The following DGKG variants were observed in gnomAD, a reference collection of about 807,000 sequenced individuals.
The protein encoded by DGKG is DAG kinase gamma.
DGKG carries 78 observed loss-of-function variants against 105.3 expected under a neutral mutation model. That is an observed-to-expected ratio of 0.74 (90% confidence interval 0.62 to 0.89). The LOEUF is 0.89. Ranked by LOEUF, DGKG falls within the 40% of genes least tolerant of loss-of-function variation. The pLI is 0.00. For synonymous variants in DGKG, 346 were observed against 367.1 expected (o/e 0.94, Z 0.66); for missense variants, 958 against 1,020.1 (o/e 0.94, Z 0.83).
intron 22 of DGKG, among the ~76,000 whole-genome samples, chr3:186,177,122 T>G (rs1229268918): frequency 6.6e-6 from 1 of 152,254 alleles, no homozygotes; most frequent in Non-Finnish European, 1.5e-5. Context: ...GCATTCTGCA[T>G]TAGTCTCCTC....
intron 21 of DGKG, chr3:186,207,609 C>A (rs1177146021): frequency 2.8e-6 from 1 of 358,162 alleles, no homozygotes; most frequent in African/African-American, 2.2e-5. Context: ...CTATGCCCCC[C>A]ATTTTATAGA....
intron 1 of DGKG, among the ~76,000 whole-genome samples, chr3:186,344,092 C>G (rs148960783): frequency 6.6e-6 from 1 of 152,116 alleles, no homozygotes; most frequent in South Asian, 2.1e-4. Context: ...AAAACAGATG[C>G]TAGTAAGGTT....
chr3:186,176,116 T>A (rs565889572), intron 22 of DGKG, among the ~76,000 whole-genome samples: 1 of 152,284 alleles, frequency 6.6e-6, no homozygotes, highest in African/African-American at 2.4e-5. Context: ...TCTTCTCATC[T>A]CCTCTCAGGG....
chr3:186,336,856 C>T lies in DGKG; in HGVS notation c.-248-16149G>A, dbSNP rs978243372. On this transcript the variant is annotated intron_variant, in intron 1 of 24. Coordinates refer to ENST00000265022, the MANE Select transcript of DGKG (RefSeq NM_001346.3). The stretch of plus-strand genomic sequence containing the variant: ...GATTTTATTAAATTATGAGACACTA[C>T]TATATTCAACTTTATAGCACCACTT... 2.6e-5 allele frequency among the ~76,000 whole-genome samples: 4 copies of T among 152,184 alleles called. No individual in the cohort carries two copies. In the South Asian group the frequency reaches 8.3e-4, roughly 32 times the overall value.
chr3:186,305,415 C>T (rs1469240429), intron 3 of DGKG, among the ~76,000 whole-genome samples: 4 of 152,066 alleles, frequency 2.6e-5, no homozygotes, highest in African/African-American at 4.8e-5. Flanking sequence ...ATCAAGAAGG[C>T]TAATATGCTG....
intron 9 of DGKG, among the ~76,000 whole-genome samples, chr3:186,278,782 G>C (rs543964936): frequency 6.6e-6 from 1 of 152,296 alleles, no homozygotes; most frequent in African/African-American, 2.4e-5. Flanking sequence ...GGCTCACCCA[G>C]CTGCACTTGC....
chr3:186,236,216 T>C lies in DGKG; in HGVS notation c.1826+6288A>G, dbSNP rs560452856. Among the ~76,000 whole-genome samples the C allele has an allele frequency of 3.3e-4, 50 of 152,320 alleles. 1 individual carries two copies. In the South Asian group the frequency reaches 0.01, roughly 31 times the overall value. ...TCAATGCATCACTGCTGGGGTCTCC[T>C]CCAACTTTTAGTTGTCCTCCAACTT... On this transcript the variant is annotated intron_variant, in intron 20 of 24. Transcript: ENST00000265022.
intron 6 of DGKG, among the ~76,000 whole-genome samples, chr3:186,286,725 A>C (rs1300241856): frequency 1.3e-5 from 2 of 152,120 alleles, no homozygotes; most frequent in Non-Finnish European, 2.9e-5. Flanking sequence ...ACTCTATATG[A>C]CCAAGTTTCT....
intron 2 of DGKG, chr3:186,313,464 A>G (rs537752799): frequency 1.0e-6 from 1 of 979,218 alleles, no homozygotes; most frequent in African/African-American, 1.8e-5. Flanking sequence ...TTGCTAGAAC[A>G]TTTTCTCACC....
chr3:186,308,263 AAG>A lies in DGKG; in HGVS notation c.68-1288_68-1287del, dbSNP rs58960503. On this transcript the variant is annotated intron_variant, in intron 2 of 24. Transcript: ENST00000265022. ...TTATAAAGGAATTGGGAATCCAGAA[AAG>A]AGACTCAATAATTGTTATTAAAAAC... Among the ~76,000 whole-genome samples, 1,063 of 152,314 alleles carry A rather than the reference AAG, an allele frequency of 7.0e-3. 15 individuals are homozygous for A. The highest frequency in any genetic ancestry group is 0.025 in the African/African-American group (1,024 of 41,574).
intron 20 of DGKG, among the ~76,000 whole-genome samples, chr3:186,225,532 T>C (rs1441038556): frequency 3.3e-5 from 5 of 152,208 alleles, no homozygotes. Flanking sequence ...ATGGTGGTGT[T>C]TAAAATTGGA....
chr3:186,344,694 A>G (rs1726246763), intron 1 of DGKG, among the ~76,000 whole-genome samples: 1 of 152,192 alleles, frequency 6.6e-6, no homozygotes, highest in African/African-American at 2.4e-5. Flanking sequence ...CCCCCATGAC[A>G]CAAGTTTACC....
Position 186,210,574 on chromosome 3 carries a change from G to C in DGKG, c.1917+1221C>G. On this transcript the variant is annotated intron_variant, in intron 21 of 24. Coordinates refer to ENST00000265022, the MANE Select transcript of DGKG (RefSeq NM_001346.3). The surrounding 1 kb of genome is among the most constrained non-coding windows in gnomAD (Gnocchi z 5.2). The stretch of plus-strand genomic sequence containing the variant: ...GAGGCAGGCAGATGAGTCAAATGCA[G>C]CCGCACAGAACCTCTGGCTTCGTGT... 2.2e-6 allele frequency: 1 copy of C among 453,816 alleles called. No individual in the cohort carries two copies. The allele number at this position is 453,816 out of a possible 1,614,324, so 28.1% of individuals were successfully genotyped here.
chr3:186,288,663 C>T, intron 6 of DGKG, 47 bp downstream of exon 6: 1 of 1,593,174 alleles, frequency 6.3e-7, no homozygotes, highest in South Asian at 1.1e-5. Context: ...AACCCCAGAT[C>T]CTTCTCTAGG....
At chr3:186,180,205 T>A (rs1206038486) in intron 22 of DGKG, among the ~76,000 whole-genome samples, 1 of 151,894 alleles carries the variant, frequency 6.6e-6, no homozygotes, top group Non-Finnish European at 1.5e-5. Context: ...GCAGGGAACA[T>A]GGGTACGGGG....
intron 21 of DGKG, among the ~76,000 whole-genome samples, chr3:186,200,983 G>C (rs1480865536): frequency 1.3e-5 from 2 of 152,152 alleles, no homozygotes; most frequent in African/African-American, 2.4e-5. Flanking sequence ...GCAGCTGGGG[G>C]TGGGGGTGCC....
At chr3:186,198,416 G>A (rs982514449) in intron 21 of DGKG, among the ~76,000 whole-genome samples, 3 of 152,214 alleles carry the variant, frequency 2.0e-5, no homozygotes, top group Non-Finnish European at 2.9e-5. Flanking sequence ...GAAGACAGGA[G>A]TACTCACTGA....
intron 21 of DGKG, among the ~76,000 whole-genome samples, chr3:186,195,756 G>A (rs368601918): frequency 1.3e-5 from 2 of 152,174 alleles, no homozygotes; most frequent in African/African-American, 4.8e-5. Flanking sequence ...CATCTCTGGG[G>A]TGTCTTTTAA....
rs556509861 is a variant in DGKG, at chr3:186,162,609, G to A, written c.2217-946C>T. Among the ~76,000 whole-genome samples the A allele has an allele frequency of 4.6e-5, 7 of 152,168 alleles. No individual in the cohort carries two copies. In the South Asian group the frequency reaches 1.0e-3, roughly 23 times the overall value. ...GGCTGGAGTGCAGTGGCACCATCTC[G>A]GCTCACTGCAAGCTCTGCCTCCTAG... On this transcript the variant is annotated intron_variant, in intron 23 of 24. Coordinates refer to ENST00000265022, the MANE Select transcript of DGKG (RefSeq NM_001346.3).
Sources: allele counts gnomAD v4.1 joint callset (sites outside exome capture counted in the v4.1 genomes callset), GRCh38; gene constraint gnomAD v4.1.1; non-coding constraint Gnocchi (gnomAD v3.1); transcripts MANE v1.5; gene names NCBI Gene and HGNC (gene_info 2026-07-23, HGNC 2026-07-21).